The following PTPRT variants were observed in gnomAD, a reference collection of about 807,000 sequenced individuals.
PTPRT encodes the protein receptor-type tyrosine-protein phosphatase T.
PTPRT carries 56 observed loss-of-function variants against 176.8 expected under a neutral mutation model. The ratio of observed to expected loss-of-function variants is 0.32; its 90% CI spans 0.26 to 0.40. The LOEUF (loss-of-function observed/expected upper bound fraction) is 0.40. PTPRT is among the 10% of genes least tolerant of loss of function. PTPRT has a pLI of 1.00. For missense variants in PTPRT, 1,540 were observed against 1,908.2 expected, an observed-to-expected ratio of 0.81 and a Z score of 3.60; for synonymous variants, 783 against 739.0, an observed-to-expected ratio of 1.06 and a Z score of -0.96.
chr20:42,190,867 G>T (rs144259554), intron 16 of PTPRT, among the ~76,000 whole-genome samples: 7 of 152,280 alleles, frequency 4.6e-5, no homozygotes, highest in South Asian at 2.1e-4. Context: ...GGGGTGTCAG[G>T]CTGACCTAGG....
At chr20:42,290,593 T>C (rs1349890283) in intron 12 of PTPRT, among the ~76,000 whole-genome samples, 1 of 152,144 alleles carries the variant, frequency 6.6e-6, no homozygotes, top group African/African-American at 2.4e-5. Context: ...TTACTTTCAG[T>C]ACTCAGTCTT....
chr20:42,175,914 A>G (rs1990272353), intron 16 of PTPRT, among the ~76,000 whole-genome samples: 2 of 152,214 alleles, frequency 1.3e-5, no homozygotes, highest in African/African-American at 4.8e-5. Context: ...GAATGAAGAT[A>G]TCAAGGAAGA....
rs199895554 is a variant in PTPRT, at chr20:42,081,981, G to A, written c.4173C>T (p.Ile1391=). Residue 1391 remains isoleucine (I), a synonymous_variant, in exon 30 of 31, where the codon ATC becomes ATT. Coordinates refer to ENST00000373187, the MANE Select transcript of PTPRT (RefSeq NM_007050.6). ...GCTGGATCATCTCACACACACTGCA[G>A]ATGGCACAGAAGGTTCCACTACGGC... ...GGGRSGTFCA[I]CSVCEMIQQQ... The A allele has an allele frequency of 2.5e-6, 4 of 1,614,246 alleles. No homozygotes were observed. In the East Asian group the frequency reaches 8.9e-5, roughly 36 times the overall value.
intron 1 of PTPRT, among the ~76,000 whole-genome samples, chr20:42,982,165 T>C (rs568071554): frequency 7.9e-4 from 121 of 152,280 alleles, no homozygotes; most frequent in African/African-American, 2.9e-3. Flanking sequence ...CTTCGTTAGG[T>C]TGACGAAGAG....
intron 1 of PTPRT, among the ~76,000 whole-genome samples, chr20:43,151,592 T>C (rs1279764907): frequency 6.6e-6 from 1 of 152,054 alleles, no homozygotes; most frequent in Non-Finnish European, 1.5e-5. Context: ...CCAGGTGTGG[T>C]GGCTCACATC....
At chr20:42,340,896 G>A (rs140661726) in intron 11 of PTPRT, among the ~76,000 whole-genome samples, 1 of 152,056 alleles carries the variant, frequency 6.6e-6, no homozygotes, top group African/African-American at 2.4e-5. Context: ...CAAGGTCACC[G>A]AGTTCTTTCA....
chr20:42,719,976 T>C (rs2076281541), intron 6 of PTPRT, among the ~76,000 whole-genome samples: 1 of 152,182 alleles, frequency 6.6e-6, no homozygotes. Context: ...TCACATGCAT[T>C]TGGGCAAGAC....
At chr20:42,847,622 G>C (rs2078397190) in intron 2 of PTPRT, among the ~76,000 whole-genome samples, 1 of 152,158 alleles carries the variant, frequency 6.6e-6, no homozygotes, top group South Asian at 2.1e-4. Flanking sequence ...ACTAAATGGG[G>C]CTTTAGAGTC....
intron 1 of PTPRT, among the ~76,000 whole-genome samples, chr20:43,177,955 A>G (rs144340031): frequency 1.7e-3 from 260 of 152,370 alleles, no homozygotes; most frequent in African/African-American, 5.7e-3. Context: ...TGGAACAGGG[A>G]TCTTCCAAGA....
intron 15 of PTPRT, among the ~76,000 whole-genome samples, chr20:42,210,789 A>G (rs1353271549): frequency 6.6e-6 from 1 of 152,196 alleles, no homozygotes; most frequent in African/African-American, 2.4e-5. Context: ...GAATTGGAAA[A>G]AACTACTTTA....
At chr20:42,760,571 T>G (rs527527120) in intron 5 of PTPRT, among the ~76,000 whole-genome samples, 1 of 152,102 alleles carries the variant, frequency 6.6e-6, no homozygotes, top group Non-Finnish European at 1.5e-5. Flanking sequence ...ACAAGATTTA[T>G]CTGAGCGTTT....
chr20:42,043,423 CA>C, the PTPRT span, among the ~76,000 whole-genome samples: 2 of 152,158 alleles, frequency 1.3e-5, no homozygotes, highest in Non-Finnish European at 2.9e-5. Flanking sequence ...GTGAGACACG[CA>C]ATCATTTCCA....
intron 7 of PTPRT, among the ~76,000 whole-genome samples, chr20:42,628,723 T>C (rs2074345144): frequency 6.6e-6 from 1 of 152,170 alleles, no homozygotes; most frequent in African/African-American, 2.4e-5. Flanking sequence ...ATGTGTCTTG[T>C]CCAAGATTCA....
chr20:42,541,660 T>C (rs2072583749), intron 7 of PTPRT, among the ~76,000 whole-genome samples: 1 of 151,708 alleles, frequency 6.6e-6, no homozygotes, highest in African/African-American at 2.4e-5. Context: ...AAACTTTAGA[T>C]GGAGCAAATA....
In PTPRT at chr20:42,818,402, C is replaced by T. The variant is rs74809064; in HGVS notation, c.215-26936G>A. ...ATTCAAGGGTCAGCAGCCTCAAAAA[C>T]GAAAACTAAACAAACTCACGAATAT... is the stretch of plus-strand genomic sequence containing the variant. On this transcript the variant is annotated intron_variant, in intron 2 of 30. Transcript: ENST00000373187. Among the ~76,000 whole-genome samples the T allele has an allele frequency of 7.7e-4, 117 of 151,448 alleles. 1 individual carries two copies. The East Asian group carries it at 0.018, about 24-fold the overall frequency.
At chr20:42,490,915 C>T (rs1987824466) in intron 7 of PTPRT, among the ~76,000 whole-genome samples, 1 of 152,080 alleles carries the variant, frequency 6.6e-6, no homozygotes, top group East Asian at 1.9e-4. Context: ...TTATCAAATG[C>T]TTATCACCTA....
At chr20:42,415,703 GA>G (rs1438594613) in intron 9 of PTPRT, among the ~76,000 whole-genome samples, 8 of 152,152 alleles carry the variant, frequency 5.3e-5, no homozygotes, top group African/African-American at 9.7e-5. Context: ...ATACATATAT[GA>G]AATTCTTATT....
At chr20:42,715,017 G>C (rs535389952) in intron 6 of PTPRT, among the ~76,000 whole-genome samples, 16 of 152,322 alleles carry the variant, frequency 1.1e-4, no homozygotes, top group Non-Finnish European at 7.4e-5. Flanking sequence ...ACCTGCAGTG[G>C]AGTTGCAGTT....
At chr20:42,784,299 A>T (rs2077257934) in intron 3 of PTPRT, among the ~76,000 whole-genome samples, 1 of 152,202 alleles carries the variant, frequency 6.6e-6, no homozygotes, top group Non-Finnish European at 1.5e-5. Flanking sequence ...AATCTTTTAT[A>T]GTTCTTGAGC....
Sources: allele counts gnomAD v4.1 joint callset (sites outside exome capture counted in the v4.1 genomes callset), GRCh38; gene constraint gnomAD v4.1.1; transcripts MANE v1.5; gene names NCBI Gene and HGNC (gene_info 2026-07-23, HGNC 2026-07-21).